C8orf34: variants seen among roughly 807,000 people sequenced by gnomAD.
C8orf34 encodes chromosome 8 open reading frame 34.
A neutral mutation model predicts 68.3 loss-of-function variants in C8orf34; 65 were observed. The ratio of observed to expected loss-of-function variants is 0.95; its 90% CI spans 0.78 to 1.17. The LOEUF is 1.17. Ranked by LOEUF, C8orf34 falls within the 50% of genes most tolerant of loss-of-function variation. The pLI is 0.00. For synonymous variants in C8orf34, 244 were observed against 241.2 expected, an observed-to-expected ratio of 1.01 and a Z score of -0.11; for missense variants, 664 against 655.4, an observed-to-expected ratio of 1.01 and a Z score of -0.14.
chr8:68,552,995 A>AT lies in C8orf34; in HGVS notation c.1105+19847dup, dbSNP rs1350173732. On this transcript the variant is annotated intron_variant, in intron 7 of 13. Coordinates refer to ENST00000518698, the MANE Select transcript of C8orf34 (RefSeq NM_052958.4). ...GTTGAGGACTTTTGTATCTACGTCT[A>AT]TAAGAGATATTGTTGTTTTGTTTTA... Among the ~76,000 whole-genome samples the AT allele has an allele frequency of 2.0e-5, 3 of 152,126 alleles. No individual in the cohort carries two copies. In the East Asian group the frequency reaches 5.8e-4, roughly 29 times the overall value.
intron 8 of C8orf34, among the ~76,000 whole-genome samples, chr8:68,664,280 A>T (rs1819772447): frequency 1.3e-5 from 2 of 152,190 alleles, no homozygotes; most frequent in African/African-American, 4.8e-5. Flanking sequence ...GTTAAACTAT[A>T]GGCTGAATTC....
chr8:68,672,204 G>A (rs1412388838), intron 8 of C8orf34, among the ~76,000 whole-genome samples: 1 of 150,444 alleles, frequency 6.6e-6, no homozygotes, highest in Non-Finnish European at 1.5e-5. Context: ...AAGAGACAGT[G>A]CAAGATGGTT....
chr8:68,403,377 C>T (rs930132798), intron 1 of C8orf34, among the ~76,000 whole-genome samples: 3 of 152,032 alleles, frequency 2.0e-5, no homozygotes, highest in Non-Finnish European at 4.4e-5. Context: ...CCTTTTGTCT[C>T]TGTACATTCT....
chr8:68,736,759 G>A (rs1822133588), intron 10 of C8orf34, among the ~76,000 whole-genome samples: 1 of 151,882 alleles, frequency 6.6e-6, no homozygotes, highest in Admixed American at 6.6e-5. Context: ...TTTATTCATT[G>A]GCCACTTTTT....
intron 3 of C8orf34, among the ~76,000 whole-genome samples, chr8:68,448,346 C>T (rs1811206036): frequency 6.6e-6 from 1 of 151,078 alleles, no homozygotes; most frequent in Admixed American, 6.6e-5. Context: ...AAATAGCATA[C>T]TTTTTTTTAA....
At chr8:68,793,020 A>G (rs1824055700) in intron 12 of C8orf34, among the ~76,000 whole-genome samples, 1 of 152,142 alleles carries the variant, frequency 6.6e-6, no homozygotes, top group Non-Finnish European at 1.5e-5. Context: ...TGCATATAGT[A>G]CAATCTCCAC....
intron 4 of C8orf34, 103 bp downstream of exon 4, chr8:68,468,923 T>C: frequency 4.7e-6 from 6 of 1,275,950 alleles, no homozygotes; most frequent in East Asian, 2.4e-5. Flanking sequence ...CTCATTCTAA[T>C]TCTGCAAGAG....
intron 4 of C8orf34, among the ~76,000 whole-genome samples, chr8:68,477,172 G>T (rs187746301): frequency 2.0e-5 from 3 of 152,186 alleles, no homozygotes; most frequent in African/African-American, 7.2e-5. Context: ...TATTATTGGT[G>T]CATGAAGGGT....
chr8:68,530,200 C>A (rs1171823635), intron 6 of C8orf34, among the ~76,000 whole-genome samples: 1 of 151,852 alleles, frequency 6.6e-6, no homozygotes, highest in African/African-American at 2.4e-5. Flanking sequence ...ATTTATTAAC[C>A]CTTTTTAATA....
chr8:68,575,956 G>GTTTTTTTTTTTTTTTTTTTT (rs59081528), intron 7 of C8orf34, among the ~76,000 whole-genome samples: 1 of 96,348 alleles, frequency 1.0e-5, no homozygotes, highest in Non-Finnish European at 2.1e-5. Flanking sequence ...GTAGATGGTT[G>GTTTTTTTTTTTTTTTTTTTT]TTTTTTTTTT....
intron 1 of C8orf34, among the ~76,000 whole-genome samples, chr8:68,408,306 A>G (rs1200615436): frequency 6.6e-6 from 1 of 151,774 alleles, no homozygotes; most frequent in African/African-American, 2.4e-5. Flanking sequence ...GATGGGTTGT[A>G]TAATTATTGT....
In C8orf34 at chr8:68,529,317, C is replaced by A. The variant is rs139527650; in HGVS notation, c.939-3666C>A. On this transcript the variant is annotated intron_variant, in intron 6 of 13. Transcript: ENST00000518698. Reference sequence around the variant, plus strand: ...CCCAGTGTCAGTCAAATGACCTCTGCCTTCTGAAATTCCAACCTCAAGTCT... The same window carrying A: ...CCCAGTGTCAGTCAAATGACCTCTGACTTCTGAAATTCCAACCTCAAGTCT... Among the ~76,000 whole-genome samples the A allele has an allele frequency of 6.4e-3, 975 of 152,298 alleles. 15 individuals are homozygous for A. Among genetic ancestry groups the A allele is most frequent in the African/African-American group, 0.022 (909 of 41,556 alleles).
In C8orf34 at chr8:68,627,341, C is replaced by T. The variant is rs575840372; in HGVS notation, c.1106-13035C>T. 5.3e-5 allele frequency among the ~76,000 whole-genome samples: 8 copies of T among 152,208 alleles called. No individual in the cohort carries two copies. The South Asian group carries it at 8.3e-4, about 16-fold the overall frequency. On this transcript the variant is annotated intron_variant, in intron 7 of 13. Coordinates refer to ENST00000518698, the MANE Select transcript of C8orf34 (RefSeq NM_052958.4). ...CCTGAGACAACAACTCCTCCTCTGA[C>T]GTTGTCTCTAGATTTTTGTGTTGCT...
At chr8:68,686,121 G>T (rs951643731) in intron 8 of C8orf34, among the ~76,000 whole-genome samples, 1 of 151,798 alleles carries the variant, frequency 6.6e-6, no homozygotes, top group East Asian at 1.9e-4. Context: ...CAGTAAGATT[G>T]AATCAGTAAT....
intron 8 of C8orf34, among the ~76,000 whole-genome samples, chr8:68,698,674 CCTG>C (rs1016160312): frequency 1.1e-4 from 17 of 152,210 alleles, no homozygotes; most frequent in Admixed American, 7.9e-4. Context: ...CATTTTTCAA[CCTG>C]CTAGAAATCA....
At chr8:68,558,827 G>A (rs1208215436) in intron 7 of C8orf34, among the ~76,000 whole-genome samples, 1 of 152,118 alleles carries the variant, frequency 6.6e-6, no homozygotes, top group Non-Finnish European at 1.5e-5. Context: ...ATGAGGTACA[G>A]TCACTACCCA....
chr8:68,712,722 CAGAT>C (rs932814157), intron 9 of C8orf34, among the ~76,000 whole-genome samples: 18 of 151,986 alleles, frequency 1.2e-4, no homozygotes, highest in African/African-American at 4.3e-4. Context: ...AGAAATGAGA[CAGAT>C]AGCAACACAG....
intron 1 of C8orf34, among the ~76,000 whole-genome samples, chr8:68,408,431 T>C (rs1809297234): frequency 6.6e-6 from 1 of 152,100 alleles, no homozygotes; most frequent in East Asian, 1.9e-4. Context: ...AAAATTGTCT[T>C]CTGCAAAACT....
chr8:68,597,422 T>C (rs1457722419), intron 7 of C8orf34, among the ~76,000 whole-genome samples: 1 of 152,164 alleles, frequency 6.6e-6, no homozygotes, highest in Non-Finnish European at 1.5e-5. Context: ...ACAAAGGACC[T>C]CATCTGTGTT....
Sources: gnomAD v4.1 joint callset for allele counts (sites outside exome capture counted in the v4.1 genomes callset) on GRCh38, gnomAD v4.1.1 for gene constraint, MANE v1.5 for transcripts, NCBI Gene and HGNC (gene_info 2026-07-23, HGNC 2026-07-21) for gene names.